The following ELP3 variants were observed in gnomAD, a reference collection of about 807,000 sequenced individuals.
ELP3 encodes the protein elongator acetyltransferase complex subunit 3.
Under a neutral mutation model 74.9 loss-of-function variants are expected in ELP3, and 56 were observed. The ratio of observed to expected loss-of-function variants is 0.75; its 90% confidence interval spans 0.60 to 0.93. The LOEUF is 0.93. ELP3 is among the 40% of genes least tolerant of loss of function. The pLI is 0.00. For synonymous variants in ELP3, 222 were observed against 239.8 expected (o/e 0.93, Z 0.68); for missense variants, 573 against 686.5 (o/e 0.83, Z 1.85).
chr8:28,185,040 GTTCA>G (rs1815182902), intron 14 of ELP3, among the ~76,000 whole-genome samples: 1 of 152,100 alleles, frequency 6.6e-6, no homozygotes, highest in South Asian at 2.1e-4. Flanking sequence ...GTGCAGGGAG[GTTCA>G]GTGCACTGTC....
At chr8:28,163,634 C>T (rs1274050948) in intron 14 of ELP3, among the ~76,000 whole-genome samples, 1 of 151,672 alleles carries the variant, frequency 6.6e-6, no homozygotes, top group East Asian at 1.9e-4. Context: ...GTACTGTTAC[C>T]TGTAATTAAA....
chr8:28,148,609 C>G (rs1477242418), intron 10 of ELP3, among the ~76,000 whole-genome samples: 1 of 152,156 alleles, frequency 6.6e-6, no homozygotes, highest in African/African-American at 2.4e-5. Context: ...GGAAGTTCCC[C>G]TTTATTCCTA....
At chr8:28,183,463 C>T (rs1585762736) in intron 14 of ELP3, among the ~76,000 whole-genome samples, 1 of 152,086 alleles carries the variant, frequency 6.6e-6, no homozygotes, top group Non-Finnish European at 1.5e-5. Context: ...TCGCTGTGTC[C>T]CCCAGGCTGG....
Position 28,161,589 on chromosome 8 carries a change from G to A in ELP3, c.1486-408G>A, listed in dbSNP as rs181073049. Among the ~76,000 whole-genome samples, 12 of 145,052 alleles carry A rather than the reference G, an allele frequency of 8.3e-5. No homozygotes were observed. In the South Asian group the frequency reaches 1.1e-3, roughly 13 times the overall value. Reference sequence around the variant, plus strand: ...TGCACTCCATCCAGCCTGGACAACAGAGGGAGATTCCGTCTCAAGAGAAAA... The same window carrying A: ...TGCACTCCATCCAGCCTGGACAACAAAGGGAGATTCCGTCTCAAGAGAAAA... On this transcript the variant is annotated intron_variant, in intron 13 of 14. Transcript: ENST00000256398.
intron 14 of ELP3, among the ~76,000 whole-genome samples, chr8:28,187,897 G>T (rs568356659): frequency 6.6e-6 from 1 of 152,346 alleles, no homozygotes; most frequent in South Asian, 2.1e-4. Context: ...AGATTTAGGG[G>T]TTGCCAGTGT....
At chr8:28,141,501 T>C (rs796238544) in intron 10 of ELP3, among the ~76,000 whole-genome samples, 14 of 152,342 alleles carry the variant, frequency 9.2e-5, no homozygotes, top group African/African-American at 3.1e-4. Flanking sequence ...AATGGGACAC[T>C]GGTGAAACTC....
At chr8:28,133,428 C>CTTTTTT (rs34048650) in intron 9 of ELP3, among the ~76,000 whole-genome samples, 2 of 135,562 alleles carry the variant, frequency 1.5e-5, no homozygotes, top group South Asian at 2.3e-4. Context: ...CTTTTTTTTC[C>CTTTTTT]TTTTTTTTTT....
chr8:28,152,560 C>T (rs1487387533), intron 10 of ELP3, among the ~76,000 whole-genome samples: 1 of 152,146 alleles, frequency 6.6e-6, no homozygotes, highest in Non-Finnish European at 1.5e-5. Flanking sequence ...AATCCCAGCA[C>T]TTTGGGAGGC....
intron 7 of ELP3, among the ~76,000 whole-genome samples, chr8:28,125,298 G>A (rs888753677): frequency 6.6e-5 from 10 of 152,182 alleles, no homozygotes; most frequent in African/African-American, 2.2e-4. Context: ...TTTTTACTGT[G>A]CAATTTGGTT....
chr8:28,113,306 G>A, intron 7 of ELP3, 133 bp downstream of exon 7: 3 of 615,586 alleles, frequency 4.9e-6, no homozygotes, highest in South Asian at 3.6e-5. Context: ...TCATGGGAAA[G>A]GATTATTTCA....
chr8:28,093,280 C>G (rs759510499), intron 1 of ELP3, 47 bp downstream of exon 1: 9 of 1,608,536 alleles, frequency 5.6e-6, no homozygotes, highest in Non-Finnish European at 7.6e-6. Flanking sequence ...CCGAAAGGGG[C>G]GAACGCCCAG....
In ELP3 at chr8:28,132,359, T is replaced by TG; in HGVS notation, c.862dup (p.Asp288GlyfsTer12). The TG allele has an allele frequency of 6.2e-7, 1 of 1,614,200 alleles. No individual in the cohort carries two copies. Among genetic ancestry groups the TG allele is most frequent in the Non-Finnish European group, 8.5e-7 (1 of 1,179,992 alleles). The stretch of plus-strand genomic sequence containing the variant: ...TTAAAGTGGTGGCCCATATGATGCC[T>TG]GACCTGCCAAACGTGGGACTAGAAA... On this transcript the variant is annotated frameshift_variant, in exon 9 of 15. Transcript: ENST00000256398. LOFTEE classifies it high-confidence loss of function.
At chr8:28,102,447 A>G (rs1483088980) in intron 3 of ELP3, among the ~76,000 whole-genome samples, 2 of 152,112 alleles carry the variant, frequency 1.3e-5, no homozygotes, top group Non-Finnish European at 2.9e-5. Context: ...TTACGCATCT[A>G]TTTTGTCCTA....
chr8:28,105,322 G>A (rs572503757), intron 3 of ELP3, among the ~76,000 whole-genome samples: 15 of 152,298 alleles, frequency 9.8e-5, no homozygotes, highest in African/African-American at 3.6e-4. Flanking sequence ...CCCAGGAGGT[G>A]GAGGTTGCAG....
At chr8:28,128,913 TA>T (rs1332387495) in intron 7 of ELP3, among the ~76,000 whole-genome samples, 1 of 152,202 alleles carries the variant, frequency 6.6e-6, no homozygotes, top group Non-Finnish European at 1.5e-5. Context: ...ATGATTTTAG[TA>T]AAAGACAAAA....
chr8:28,180,021 G>T (rs999499487), intron 14 of ELP3, among the ~76,000 whole-genome samples: 3 of 152,110 alleles, frequency 2.0e-5, no homozygotes, highest in Non-Finnish European at 4.4e-5. Context: ...ATTCCCTCAG[G>T]CTACTTCTGT....
At chr8:28,139,562 C>T (rs1422249994) in intron 10 of ELP3, among the ~76,000 whole-genome samples, 1 of 152,128 alleles carries the variant, frequency 6.6e-6, no homozygotes, top group African/African-American at 2.4e-5. Context: ...CTGTACTGAA[C>T]ATGTATAGAT....
chr8:28,164,547 C>T (rs142476339), intron 14 of ELP3, among the ~76,000 whole-genome samples: 15 of 152,118 alleles, frequency 9.9e-5, no homozygotes, highest in African/African-American at 3.1e-4. Flanking sequence ...GGGAGGATGC[C>T]GTAAGCATTA....
intron 14 of ELP3, among the ~76,000 whole-genome samples, chr8:28,186,195 G>A (rs1394881482): frequency 6.6e-6 from 1 of 152,164 alleles, no homozygotes; most frequent in East Asian, 1.9e-4. Flanking sequence ...AGCAAGTAGG[G>A]TTGGTGTTTA....
Sources: gnomAD v4.1 joint callset for allele counts (sites outside exome capture counted in the v4.1 genomes callset) on GRCh38, gnomAD v4.1.1 for gene constraint, MANE v1.5 for transcripts, NCBI Gene and HGNC (gene_info 2026-07-23, HGNC 2026-07-21) for gene names.